The following WDR72 variants were observed in gnomAD, a reference collection of about 807,000 sequenced individuals.
WDR72 encodes WD repeat domain 72, also known as WD repeat-containing protein 72.
WDR72 carries 120 observed loss-of-function variants against 124.2 expected under a neutral mutation model. The observed-to-expected ratio is 0.97, with a 90% CI of 0.83 to 1.12. The LOEUF (loss-of-function observed/expected upper bound fraction) is 1.12, where lower values mean the gene tolerates loss of function less well. WDR72 is among the 50% of genes most tolerant of loss of function. The pLI is 0.00. For missense variants in WDR72, 1,387 were observed against 1,278.8 expected (o/e 1.08, Z -1.29); for synonymous variants, 452 against 441.7 (o/e 1.02, Z -0.29).
chr15:53,686,253 G>C (rs559456909), intron 13 of WDR72, among the ~76,000 whole-genome samples: 1 of 152,042 alleles, frequency 6.6e-6, no homozygotes, highest in South Asian at 2.1e-4. Context: ...CCCATTAAAA[G>C]ACACAGACTG....
intron 13 of WDR72, among the ~76,000 whole-genome samples, chr15:53,677,472 A>G (rs2016215172): frequency 6.6e-6 from 1 of 152,106 alleles, no homozygotes; most frequent in Non-Finnish European, 1.5e-5. Context: ...CCCCACTCAA[A>G]TCTCAAATTT....
intron 14 of WDR72, among the ~76,000 whole-genome samples, chr15:53,641,659 T>A (rs545405895): frequency 6.6e-6 from 1 of 152,062 alleles, no homozygotes. Flanking sequence ...CTTTTAGTAA[T>A]TTTTAGAATA....
intron 1 of WDR72, among the ~76,000 whole-genome samples, chr15:53,738,478 T>A (rs2018416700): frequency 6.6e-6 from 1 of 152,122 alleles, no homozygotes. Flanking sequence ...AGAAAATGAG[T>A]AAACTCAGAT....
At chr15:53,699,248 C>G (rs1189392892) in intron 13 of WDR72, among the ~76,000 whole-genome samples, 1 of 152,120 alleles carries the variant, frequency 6.6e-6, no homozygotes, top group Non-Finnish European at 1.5e-5. Context: ...TTAAAAAGTT[C>G]AAACTCTACA....
intron 13 of WDR72, 106 bp downstream of exon 13, chr15:53,699,644 A>T: frequency 1.6e-6 from 2 of 1,246,944 alleles, no homozygotes; most frequent in Non-Finnish European, 2.3e-6. Context: ...AACAAAGGTT[A>T]AAGCAAGTGA....
intron 1 of WDR72, among the ~76,000 whole-genome samples, chr15:53,735,264 C>T (rs11629575): frequency 0.12 from 18,572 of 151,932 alleles, 1,490 homozygotes; most frequent in Middle Eastern, 0.19. Flanking sequence ...GCACTCCAGC[C>T]TGGGCTACAG....
intron 18 of WDR72, among the ~76,000 whole-genome samples, chr15:53,576,320 A>G (rs1894753436): frequency 1.3e-5 from 2 of 152,134 alleles, no homozygotes; most frequent in Admixed American, 1.3e-4. Context: ...CATCTTTCAC[A>G]GACCCCTCAG....
At chr15:53,609,625 G>A in intron 16 of WDR72, 33 bp from the exon 17 acceptor site, 1 of 1,569,836 alleles carries the variant, frequency 6.4e-7, no homozygotes, top group African/African-American at 1.4e-5. Context: ...TGTATCTTTA[G>A]AGTATTAAAA....
At chr15:53,520,606 A>C (rs1891739253) in intron 19 of WDR72, among the ~76,000 whole-genome samples, 1 of 152,034 alleles carries the variant, frequency 6.6e-6, no homozygotes, top group Non-Finnish European at 1.5e-5. Context: ...AAAAACCCCA[A>C]ATTTGTTTCT....
chr15:53,584,515 TA>T (rs11289851), intron 18 of WDR72, among the ~76,000 whole-genome samples: 3,822 of 151,964 alleles, frequency 0.025, 157 homozygotes, highest in African/African-American at 0.089. Flanking sequence ...TAAAACAATT[TA>T]AAAAATTAAG....
At chr15:53,638,580 C>CT (rs3081298) in intron 14 of WDR72, among the ~76,000 whole-genome samples, 3,701 of 125,840 alleles carry the variant, frequency 0.029, 165 homozygotes, top group African/African-American at 0.092. Context: ...TAATCACATT[C>CT]TTTTTTTTTT....
chr15:53,712,043 A>G (rs930767757), intron 7 of WDR72, among the ~76,000 whole-genome samples: 1 of 152,210 alleles, frequency 6.6e-6, no homozygotes, highest in Non-Finnish European at 1.5e-5. Context: ...CTTAAAACAA[A>G]TGTAGTGACA....
At chr15:53,712,697 T>C (rs947934755) in intron 7 of WDR72, 75 bp downstream of exon 7, 5 of 1,348,000 alleles carry the variant, frequency 3.7e-6, no homozygotes, top group Non-Finnish European at 5.2e-6. Flanking sequence ...ATTTAAATCA[T>C]ATTCTTATTT....
At chr15:53,613,782 T>A (rs747134880) in intron 15 of WDR72, 25 bp from the exon 16 acceptor site, 3 of 1,472,148 alleles carry the variant, frequency 2.0e-6, no homozygotes, top group Non-Finnish European at 2.8e-6. Flanking sequence ...ATTGACAGCA[T>A]ATTACTAAAA....
intron 18 of WDR72, among the ~76,000 whole-genome samples, chr15:53,593,834 A>G (rs1478283540): frequency 6.6e-6 from 1 of 152,106 alleles, no homozygotes; most frequent in Non-Finnish European, 1.5e-5. Flanking sequence ...CAACACTTTT[A>G]ATGAGTATGA....
rs1595795912 is a variant in WDR72 at position 53,615,884 on chromosome 15, G to C, written c.2322C>G (p.Ile774Met). 1 of 1,613,526 alleles carries C rather than the reference G, an allele frequency of 6.2e-7. No homozygotes were observed. The highest frequency in any genetic ancestry group is 1.7e-5 in the Admixed American group (1 of 59,898). Residue 774 changes from isoleucine (I) to methionine (M), a missense_variant, in exon 15 of 20, where the codon ATC becomes ATG. Physicochemically the swap from Ile to Met is conservative, Grantham distance 10. Coordinates refer to ENST00000360509, the MANE Select transcript of WDR72 (RefSeq NM_182758.4). ...ATGGCTTAGGCTGCATTTTTTTGGA[G>C]ATCTTCATTTTCTTCTGCCTTTTAA... The part of the protein sequence containing the change: ...DGIKRQKKMK[I>M]SKKMQPKPSR...
intron 18 of WDR72, among the ~76,000 whole-genome samples, chr15:53,560,171 T>C (rs952950615): frequency 3.3e-5 from 5 of 151,918 alleles, no homozygotes; most frequent in African/African-American, 1.2e-4. Flanking sequence ...AGCTGTCCGA[T>C]GGCTTTCTGC....
chr15:53,690,647 G>T (rs1455400742), intron 13 of WDR72, among the ~76,000 whole-genome samples: 1 of 152,142 alleles, frequency 6.6e-6, no homozygotes, highest in African/African-American at 2.4e-5. Flanking sequence ...ACACTTCATT[G>T]TATGTGTATA....
At chr15:53,565,836 G>C (rs751721902) in intron 18 of WDR72, among the ~76,000 whole-genome samples, 1 of 151,762 alleles carries the variant, frequency 6.6e-6, no homozygotes, top group Non-Finnish European at 1.5e-5. Context: ...CTGAAAAAAT[G>C]TTCTCCACAG....
Sources: gnomAD v4.1 joint callset for allele counts (sites outside exome capture counted in the v4.1 genomes callset) on GRCh38, gnomAD v4.1.1 for gene constraint, MANE v1.5 for transcripts, NCBI Gene and HGNC (gene_info 2026-07-23, HGNC 2026-07-21) for gene names.